Variants in XKR6 observed in about 807,000 individuals in gnomAD.
The protein encoded by XKR6 is XK-related protein 6.
XKR6 carries 22 observed loss-of-function variants against 56.7 expected under a neutral mutation model. The observed-to-expected ratio is 0.39, with a 90% CI of 0.28 to 0.55. XKR6 has a LOEUF of 0.55. Ranked by LOEUF, XKR6 falls within the 20% of genes least tolerant of loss-of-function variation. XKR6 has a pLI of 0.66. For synonymous variants in XKR6, 524 were observed against 387.8 expected, an observed-to-expected ratio of 1.35 and a Z score of -4.13; for missense variants, 852 against 889.0, an observed-to-expected ratio of 0.96 and a Z score of 0.53.
chr8:10,995,448 T>C (rs1798088514), intron 1 of XKR6, among the ~76,000 whole-genome samples: 1 of 147,260 alleles, frequency 6.8e-6, no homozygotes, highest in Non-Finnish European at 1.5e-5. Flanking sequence ...CTATATCTAA[T>C]ATATATATTA....
At chr8:11,026,496 G>T (rs910148890) in intron 1 of XKR6, among the ~76,000 whole-genome samples, 1 of 148,218 alleles carries the variant, frequency 6.7e-6, no homozygotes, top group Non-Finnish European at 1.5e-5. Flanking sequence ...CACCTAGATG[G>T]TCTAGCCTAC....
At chr8:11,036,622 C>T (rs936131602) in intron 1 of XKR6, among the ~76,000 whole-genome samples, 1 of 152,200 alleles carries the variant, frequency 6.6e-6, no homozygotes, top group African/African-American at 2.4e-5. Flanking sequence ...TAATCTGATG[C>T]ATGCTAAGAT....
rs1388057764 is a variant in XKR6 at position 11,200,670 on chromosome 8, C to T, written c.670G>A (p.Val224Ile). 6.4e-7 allele frequency: 1 copy of T among 1,561,794 alleles called. No homozygotes were observed. Reference protein sequence around the residue: ...GAARGGPGVRVSPTPGAQRLC... With the variant: ...GAARGGPGVRISPTPGAQRLC... ...CGCTGCGCCCCCGGCGTGGGGGAGA[C>T]CCTCACGCCTGGGCCACCGCGGGCC... Residue 224 changes from valine (V) to isoleucine (I), a missense_variant, in exon 1 of 3, where the codon GTC (valine) becomes ATC (isoleucine). Around this residue, in one of 4 missense-constraint regions of XKR6, gnomAD observed 417 missense variants for 355.2 expected, o/e 1.17. Coordinates refer to ENST00000416569, the MANE Select transcript of XKR6 (RefSeq NM_173683.4). The surrounding 1 kb of genome is among the most constrained non-coding windows in gnomAD (Gnocchi z 6.4).
At chr8:11,110,325 G>A (rs1300152830) in intron 1 of XKR6, among the ~76,000 whole-genome samples, 1 of 152,104 alleles carries the variant, frequency 6.6e-6, no homozygotes, top group Non-Finnish European at 1.5e-5. Context: ...TACATTACCA[G>A]CCAATTTCTC....
At chr8:11,054,288 G>A (rs574788826) in intron 1 of XKR6, among the ~76,000 whole-genome samples, 1 of 152,340 alleles carries the variant, frequency 6.6e-6, no homozygotes, top group African/African-American at 2.4e-5. Context: ...GAGGTGAAAA[G>A]AGAGAGCGCA....
intron 2 of XKR6, among the ~76,000 whole-genome samples, chr8:10,909,809 G>C (rs763706905): frequency 1.2e-4 from 18 of 152,326 alleles, no homozygotes; most frequent in Admixed American, 3.9e-4. Context: ...ATGTATGCCA[G>C]ACTCTGTGCA....
intron 1 of XKR6, among the ~76,000 whole-genome samples, chr8:11,167,073 G>A (rs900107837): frequency 6.6e-6 from 1 of 152,100 alleles, no homozygotes; most frequent in African/African-American, 2.4e-5. Flanking sequence ...ACTACTGCAA[G>A]AGAACAAGGC....
intron 2 of XKR6, among the ~76,000 whole-genome samples, chr8:10,903,806 C>A (rs1477109317): frequency 1.3e-5 from 2 of 152,158 alleles, no homozygotes; most frequent in Non-Finnish European, 2.9e-5. Flanking sequence ...TGACCGCAGC[C>A]TGAGCAGACG....
At chr8:11,117,721 A>C (rs1799248863) in intron 1 of XKR6, among the ~76,000 whole-genome samples, 1 of 152,212 alleles carries the variant, frequency 6.6e-6, no homozygotes, top group African/African-American at 2.4e-5. Context: ...CTGATTAAAA[A>C]GTGGCCAAAA....
chr8:11,126,027 C>CTAT (rs1303893145), intron 1 of XKR6: 1 of 152,016 alleles, frequency 6.6e-6, no homozygotes, highest in African/African-American at 2.4e-5. Context: ...CTTCTATAAC[C>CTAT]TATACTTTGG....
intron 2 of XKR6, among the ~76,000 whole-genome samples, chr8:10,905,023 C>A (rs985359332): frequency 6.6e-6 from 1 of 152,154 alleles, no homozygotes; most frequent in Admixed American, 6.5e-5. Context: ...TGTGCAGCTC[C>A]CCAGATCCCA....
At chr8:11,134,328 T>C (rs1351098847) in intron 1 of XKR6, among the ~76,000 whole-genome samples, 1 of 152,174 alleles carries the variant, frequency 6.6e-6, no homozygotes, top group Non-Finnish European at 1.5e-5. Flanking sequence ...AAGACTTCTG[T>C]CATATGTATC....
At chr8:10,968,662 C>G (rs1448851842) in intron 1 of XKR6, among the ~76,000 whole-genome samples, 1 of 152,228 alleles carries the variant, frequency 6.6e-6, no homozygotes, top group Non-Finnish European at 1.5e-5. Context: ...GGAGCATTCC[C>G]TCTCTCCTAC....
At chr8:11,064,122 G>A (rs113190731) in intron 1 of XKR6, among the ~76,000 whole-genome samples, 4 of 152,136 alleles carry the variant, frequency 2.6e-5, no homozygotes, top group African/African-American at 9.6e-5. Flanking sequence ...GCGTCCTACA[G>A]TCTCACTCTG....
At chr8:11,172,951 T>A (rs113170697) in intron 1 of XKR6, among the ~76,000 whole-genome samples, 1 of 152,210 alleles carries the variant, frequency 6.6e-6, no homozygotes, top group Middle Eastern at 3.2e-3. Flanking sequence ...CAATCAATTG[T>A]ATAAAATCTA....
intron 1 of XKR6, among the ~76,000 whole-genome samples, chr8:11,132,521 C>A (rs1800156221): frequency 6.6e-6 from 1 of 151,802 alleles, no homozygotes; most frequent in African/African-American, 2.4e-5. Context: ...ACCACCACGC[C>A]AGGCTAATTT....
Position 11,200,444 on chromosome 8 carries a change from GGGC to G in XKR6, c.764+129_764+131del. ...AACGCCGGTCTTTTGGAGACGCCAG[GGGC>G]GGCGCGCGGCCGGTCCCTCCTTCGA... On this transcript the variant is annotated intron_variant, in intron 1 of 2. Coordinates refer to ENST00000416569, the MANE Select transcript of XKR6 (RefSeq NM_173683.4). This position sits in a 1 kb window ranked among gnomAD's most constrained non-coding sequence, Gnocchi z 6.4. 8.3e-7 allele frequency: 1 copy of G among 1,200,776 alleles called. No individual in the cohort carries two copies. The highest frequency in any genetic ancestry group is 1.1e-6 in the Non-Finnish European group (1 of 931,580). 74.4% of individuals were successfully genotyped at this position (1,200,776 alleles called of 1,614,324 possible). A position where few individuals can be genotyped will look rare whatever the true frequency, so the allele number is the denominator to read the frequency against.
intron 1 of XKR6, among the ~76,000 whole-genome samples, chr8:10,948,516 G>A (rs942151156): frequency 6.6e-6 from 1 of 152,170 alleles, no homozygotes; most frequent in African/African-American, 2.4e-5. Context: ...TGAGCTCTCA[G>A]GCCCTGGAAG....
At chr8:11,170,671 A>G (rs1802320289) in intron 1 of XKR6, among the ~76,000 whole-genome samples, 1 of 152,228 alleles carries the variant, frequency 6.6e-6, no homozygotes, top group East Asian at 1.9e-4. Flanking sequence ...ACAATCGCAC[A>G]ATCTAAGTGG....
Sources: allele counts gnomAD v4.1 joint callset (sites outside exome capture counted in the v4.1 genomes callset), GRCh38; gene constraint gnomAD v4.1.1; regional missense constraint gnomAD v4.1.1; non-coding constraint Gnocchi (gnomAD v3.1); transcripts MANE v1.5; gene names NCBI Gene and HGNC (gene_info 2026-07-23, HGNC 2026-07-21).